The following CSE1L variants were observed in gnomAD, a reference collection of about 807,000 sequenced individuals.
The protein encoded by CSE1L is exportin-2.
A neutral mutation model predicts 120.4 loss-of-function variants in CSE1L; 24 were observed. That is an observed-to-expected ratio of 0.20 (90% CI 0.14 to 0.28). The LOEUF (loss-of-function observed/expected upper bound fraction) is 0.28. Among genes scored for constraint, CSE1L ranks in the 10% least tolerant of loss-of-function variants. CSE1L has a pLI of 1.00. For missense variants in CSE1L, 830 were observed against 1,145.2 expected (o/e 0.72, Z 3.97); for synonymous variants, 402 against 398.3 (o/e 1.01, Z -0.11).
chr20:49,047,836 C>G (rs995579425), intron 1 of CSE1L, among the ~76,000 whole-genome samples: 5 of 152,016 alleles, frequency 3.3e-5, no homozygotes, highest in Admixed American at 3.3e-4. Flanking sequence ...TCCCATGGCT[C>G]TCCATCAACA....
chr20:49,056,766 A>G (rs1487894058), intron 1 of CSE1L, among the ~76,000 whole-genome samples: 2 of 151,578 alleles, frequency 1.3e-5, no homozygotes, highest in Admixed American at 6.6e-5. Flanking sequence ...AAAATTGTAT[A>G]TATTTGTGGT....
chr20:49,053,139 C>T (rs910687267), intron 1 of CSE1L, among the ~76,000 whole-genome samples: 1 of 131,592 alleles, frequency 7.6e-6, no homozygotes, highest in East Asian at 2.4e-4. Context: ...GTGAGACCCC[C>T]TGTCTCTCTT....
At chr20:49,077,150 G>A in intron 13 of CSE1L, 86 bp downstream of exon 13, 2 of 407,830 alleles carry the variant, frequency 4.9e-6, no homozygotes, top group Non-Finnish European at 7.6e-6. Flanking sequence ...GTTCCCTTTT[G>A]TTCTTTTTTT....
intron 14 of CSE1L, among the ~76,000 whole-genome samples, chr20:49,081,203 C>CA (rs1473417218): frequency 6.6e-6 from 1 of 152,078 alleles, no homozygotes; most frequent in Non-Finnish European, 1.5e-5. Flanking sequence ...AGACTGGTCT[C>CA]AAACTCCTGA....
At chr20:49,070,076 G>A (rs1183344035) in intron 7 of CSE1L, 129 bp from the exon 8 acceptor site, 4 of 523,478 alleles carry the variant, frequency 7.6e-6, no homozygotes, top group African/African-American at 6.0e-5. Flanking sequence ...GAGAATTCTT[G>A]TCAGAATAGG....
intron 24 of CSE1L, chr20:49,095,259 G>T (rs1009580794): frequency 8.2e-5 from 30 of 367,114 alleles, no homozygotes; most frequent in African/African-American, 3.8e-4. Context: ...TTTATAATAA[G>T]AGTTTATTTC....
At chr20:49,082,449 T>G (rs1237059713) in intron 14 of CSE1L, among the ~76,000 whole-genome samples, 1 of 151,772 alleles carries the variant, frequency 6.6e-6, no homozygotes, top group Admixed American at 6.6e-5. Flanking sequence ...TGGCCTAGGT[T>G]TTAAATTTTT....
intron 3 of CSE1L, among the ~76,000 whole-genome samples, chr20:49,065,312 A>AATTTTTTTTTTTTTTTTT (rs2091883037): frequency 3.8e-5 from 3 of 79,398 alleles, no homozygotes; most frequent in Non-Finnish European, 7.3e-5. Flanking sequence ...ATGAAAAAAA[A>AATTTTTTTTTTTTTTTTT]ATTTTTTTTT....
intron 15 of CSE1L, 144 bp from the exon 16 acceptor site, chr20:49,085,139 T>C: frequency 1.6e-6 from 1 of 645,012 alleles, no homozygotes; most frequent in South Asian, 1.8e-5. Flanking sequence ...AAAAAAATTA[T>C]TTTCCTAAAC....
At chr20:49,074,454 T>C (rs1006274203) in intron 10 of CSE1L, among the ~76,000 whole-genome samples, 1 of 152,118 alleles carries the variant, frequency 6.6e-6, no homozygotes, top group African/African-American at 2.4e-5. Flanking sequence ...TGTTGGTATT[T>C]TAATGTTCTT....
intron 11 of CSE1L, 37 bp downstream of exon 11, chr20:49,074,887 C>G (rs781176646): frequency 3.9e-5 from 59 of 1,529,320 alleles, no homozygotes; most frequent in Non-Finnish European, 4.9e-5. Context: ...AGTCTCTTAG[C>G]AAGCCAGTTT....
At chr20:49,090,653 T>C (rs964656510) in intron 19 of CSE1L, 89 bp from the exon 20 acceptor site, 3 of 947,948 alleles carry the variant, frequency 3.2e-6, no homozygotes, top group Non-Finnish European at 5.1e-6. Flanking sequence ...TATTACAGTA[T>C]GAACTCTGTT....
At position 49,085,267 on chromosome 20, in the gene CSE1L, G is replaced by T. The variant is rs751424773; in HGVS notation, c.1620-16G>T. 1.7e-5 allele frequency: 28 copies of T among 1,609,380 alleles called. No homozygotes were observed. The highest frequency in any genetic ancestry group is 2.7e-5 in the African/African-American group (2 of 74,780). Reference sequence around the variant, plus strand: ...CAAGAGTTGGTAGTGACTGAAAGCTGTTTTTTCATCTATAGCTTTACAGCT... The same window carrying T: ...CAAGAGTTGGTAGTGACTGAAAGCTTTTTTTTCATCTATAGCTTTACAGCT... On this transcript the variant is annotated splice_polypyrimidine_tract_variant and intron_variant, in intron 15 of 24. Transcript: ENST00000262982.
chr20:49,073,602 T>C (rs2426112), intron 10 of CSE1L, among the ~76,000 whole-genome samples: 92,763 of 151,828 alleles, frequency 0.61, 28,437 homozygotes, highest in East Asian at 0.66. Context: ...TGTCCCACCC[T>C]GGCCTCCTGA....
At chr20:49,072,151 A>T (rs1018097512) in intron 8 of CSE1L, 135 bp from the exon 9 acceptor site, 1 of 864,110 alleles carries the variant, frequency 1.2e-6, no homozygotes, top group Non-Finnish European at 1.8e-6. Flanking sequence ...TGGTGGTGGC[A>T]TAGCTGTAGT....
chr20:49,068,850 G>A, intron 7 of CSE1L, 28 bp downstream of exon 7: 1 of 1,416,356 alleles, frequency 7.1e-7, no homozygotes, highest in Non-Finnish European at 1.0e-6. Context: ...CTTGCTTTTG[G>A]TTCTTACTCT....
At position 49,085,406 on chromosome 20, in the gene CSE1L, T is replaced by C; in HGVS notation, c.1723+20T>C. On this transcript the variant is annotated intron_variant, in intron 16 of 24. Transcript: ENST00000262982. ...TGAAAGGTAGGCTGTTTCCCTGGTG[T>C]GCAGACTACAGGTATCCAATCTCAG... 6.4e-7 allele frequency: 1 copy of C among 1,558,818 alleles called. No homozygotes were observed. The highest frequency in any genetic ancestry group is 8.8e-7 in the Non-Finnish European group (1 of 1,130,116).
chr20:49,047,568 T>C (rs1317129590), intron 1 of CSE1L, among the ~76,000 whole-genome samples: 3 of 46,080 alleles, frequency 6.5e-5, no homozygotes, highest in African/African-American at 2.4e-4. Flanking sequence ...TCTTTTCTTT[T>C]TTTTTTTTTT....
At chr20:49,072,003 C>G (rs919990979) in intron 8 of CSE1L, among the ~76,000 whole-genome samples, 5 of 150,474 alleles carry the variant, frequency 3.3e-5, no homozygotes, top group African/African-American at 7.3e-5. Context: ...TGGCCTCAGG[C>G]CATCCTCCAG....
Sources: gnomAD v4.1 joint callset for allele counts (sites outside exome capture counted in the v4.1 genomes callset) on GRCh38, gnomAD v4.1.1 for gene constraint, MANE v1.5 for transcripts, NCBI Gene and HGNC (gene_info 2026-07-23, HGNC 2026-07-21) for gene names.